GCFC2: variants seen among roughly 807,000 people sequenced by gnomAD.
GCFC2 encodes GC-rich sequence DNA-binding factor 2.
A neutral mutation model predicts 99.4 loss-of-function variants in GCFC2; 102 were observed. The ratio of observed to expected loss-of-function variants is 1.03; its 90% CI spans 0.87 to 1.21. The LOEUF (loss-of-function observed/expected upper bound fraction) is 1.21. Ranked by LOEUF, GCFC2 falls within the 50% of genes most tolerant of loss-of-function variation. The pLI is 0.00. For synonymous variants in GCFC2, 338 were observed against 316.8 expected (o/e 1.07, Z -0.71); for missense variants, 973 against 920.9 (o/e 1.06, Z -0.73).
In GCFC2 at chr2:75,702,217, T is replaced by C. The variant is rs772232537; in HGVS notation, c.601A>G (p.Arg201Gly). 49 of 1,606,888 alleles carry C rather than the reference T, an allele frequency of 3.0e-5. No individual in the cohort carries two copies. Among genetic ancestry groups the C allele is most frequent in the Non-Finnish European group, 4.2e-5 (49 of 1,173,492 alleles). ...FTLRPQTLRQ[R>G]MAEESISRNE... ...TCCATACTTGATTCCTCAGCCATCCTTTGTCTAAGTGTTTGAGGTCTTAGA... is the reference window on the plus strand; with the variant it reads ...TCCATACTTGATTCCTCAGCCATCCCTTGTCTAAGTGTTTGAGGTCTTAGA... The change falls in exon 3 of 17, where the codon AGG (arginine) becomes GGG (glycine). Residue 201 changes from arginine to glycine, a missense_variant. By Grantham distance (125) the Arg-to-Gly change is moderately radical. Coordinates refer to ENST00000321027, the MANE Select transcript of GCFC2 (RefSeq NM_003203.5).
At chr2:75,696,341 CAAAACCA>C in intron 4 of GCFC2, 26 bp from the exon 5 acceptor site, 3 of 961,672 alleles carry the variant, frequency 3.1e-6, no homozygotes, top group Non-Finnish European at 5.1e-6. Context: ...TAGATTTTTA[CAAAACCA>C]TTTATTTCAT....
chr2:75,688,171 C>CATAAGA (rs1248747245), intron 10 of GCFC2, among the ~76,000 whole-genome samples, 194 bp from the exon 11 acceptor site: 1 of 152,200 alleles, frequency 6.6e-6, no homozygotes, highest in Non-Finnish European at 1.5e-5. Flanking sequence ...GTCTAAGTAA[C>CATAAGA]ATAAGAAGAA....
In GCFC2 at chr2:75,676,718, G is replaced by A. The variant is rs183124591; in HGVS notation, c.1813-3198C>T. ...GATTATAATCTGTCTTACTTATGCT[G>A]CTTCAAAACTGTGTCTCTCTCATCT... On this transcript the variant is annotated intron_variant, in intron 12 of 16. Coordinates refer to ENST00000321027, the MANE Select transcript of GCFC2 (RefSeq NM_003203.5). 3.0e-3 allele frequency among the ~76,000 whole-genome samples: 459 copies of A among 152,248 alleles called. 3 individuals are homozygous for A. The highest frequency in any genetic ancestry group is 0.011 in the African/African-American group (447 of 41,540).
In GCFC2 at chr2:75,667,260, C is replaced by T. The variant is rs533853241; in HGVS notation, c.2104-1207G>A. On this transcript the variant is annotated intron_variant, in intron 15 of 16. Transcript: ENST00000321027. ...TAGTAACGGGTTCTTGGAAACTGAT[C>T]GTTCTGTTTGCTAATGGAAACCTGG... Among the ~76,000 whole-genome samples the T allele has an allele frequency of 1.2e-4, 18 of 152,070 alleles. No individual in the cohort carries two copies. The South Asian group carries it at 3.3e-3, about 28-fold the overall frequency.
chr2:75,680,501 C>T (rs984952516), intron 11 of GCFC2, among the ~76,000 whole-genome samples, 187 bp from the exon 12 acceptor site: 1 of 152,180 alleles, frequency 6.6e-6, no homozygotes, highest in Admixed American at 6.5e-5. Flanking sequence ...CTTTGTTAAA[C>T]TCCTCTGGCT....
chr2:75,672,819 C>A (rs1679163908), intron 13 of GCFC2, among the ~76,000 whole-genome samples: 1 of 152,094 alleles, frequency 6.6e-6, no homozygotes, highest in African/African-American at 2.4e-5. Context: ...AAAATACCTA[C>A]TAACAGTGGA....
chr2:75,667,950 T>C (rs538890187), intron 15 of GCFC2, among the ~76,000 whole-genome samples: 26 of 152,306 alleles, frequency 1.7e-4, no homozygotes, highest in African/African-American at 6.3e-4. Flanking sequence ...CTAATTGATA[T>C]ATAGTTTTAT....
chr2:75,680,711 G>A (rs1029114206), intron 11 of GCFC2, among the ~76,000 whole-genome samples: 3 of 151,852 alleles, frequency 2.0e-5, no homozygotes, highest in Non-Finnish European at 2.9e-5. Context: ...TCCCCTCTCC[G>A]TTATCTCTCT....
intron 11 of GCFC2, among the ~76,000 whole-genome samples, chr2:75,686,880 A>G (rs1679840829): frequency 6.6e-6 from 1 of 152,252 alleles, no homozygotes; most frequent in African/African-American, 2.4e-5. Flanking sequence ...TCTGAAGCAC[A>G]AGCATTAATG....
upstream of GCFC2, among the ~76,000 whole-genome samples, chr2:75,712,016 T>C (rs1172449223): frequency 6.6e-6 from 1 of 152,236 alleles, no homozygotes; most frequent in African/African-American, 2.4e-5. Context: ...CGGGATCCAC[T>C]AGGTGAAGCC....
chr2:75,710,195 T>C (rs1009514828), intron 1 of GCFC2, among the ~76,000 whole-genome samples: 2 of 152,212 alleles, frequency 1.3e-5, no homozygotes, highest in Non-Finnish European at 2.9e-5. Flanking sequence ...GAAAGATAAG[T>C]TGGTCAAGTG....
intron 13 of GCFC2, among the ~76,000 whole-genome samples, chr2:75,672,414 G>A (rs1341899386): frequency 6.6e-6 from 1 of 150,488 alleles, no homozygotes; most frequent in Admixed American, 6.6e-5. Flanking sequence ...TCTGAACCAT[G>A]TGAATGCATT....
At chr2:75,669,964 A>G (rs1433243280) in intron 15 of GCFC2, 174 bp downstream of exon 15, 3 of 446,750 alleles carry the variant, frequency 6.7e-6, no homozygotes, top group Non-Finnish European at 1.2e-5. Context: ...ACCTCACGCA[A>G]TCCGCCTGCC....
intron 12 of GCFC2, among the ~76,000 whole-genome samples, chr2:75,676,778 T>C (rs1679360774): frequency 6.6e-6 from 1 of 152,186 alleles, no homozygotes; most frequent in South Asian, 2.1e-4. Context: ...AACGCATGGG[T>C]GGGACATGCA....
intron 14 of GCFC2, 151 bp downstream of exon 14, chr2:75,671,799 A>G (rs1679099872): frequency 2.7e-6 from 1 of 372,786 alleles, no homozygotes; most frequent in East Asian, 4.1e-5. Flanking sequence ...TTTGTGCTAC[A>G]GCGGCAGAGT....
intron 14 of GCFC2, among the ~76,000 whole-genome samples, chr2:75,671,383 T>C (rs1003568139): frequency 6.6e-6 from 1 of 152,220 alleles, no homozygotes; most frequent in Non-Finnish European, 1.5e-5. Context: ...GACTTATGTA[T>C]CCAACCACCT....
intron 11 of GCFC2, 46 bp downstream of exon 11, chr2:75,687,781 C>A: frequency 6.9e-7 from 1 of 1,451,428 alleles, no homozygotes; most frequent in Non-Finnish European, 9.5e-7. Context: ...ACCTTATATA[C>A]TCTGTCAGAA....
chr2:75,679,229 T>G (rs1024586624), intron 12 of GCFC2, among the ~76,000 whole-genome samples: 2 of 152,220 alleles, frequency 1.3e-5, no homozygotes, highest in African/African-American at 4.8e-5. Context: ...CTTACAGCTA[T>G]CCTCCTTTGT....
At chr2:75,672,739 A>G (rs974835923) in intron 13 of GCFC2, among the ~76,000 whole-genome samples, 7 of 152,094 alleles carry the variant, frequency 4.6e-5, no homozygotes, top group African/African-American at 1.4e-4. Flanking sequence ...CATTCTCTTC[A>G]TCTCCCTAAT....
Sources: allele counts gnomAD v4.1 joint callset (sites outside exome capture counted in the v4.1 genomes callset), GRCh38; gene constraint gnomAD v4.1.1; transcripts MANE v1.5; gene names NCBI Gene and HGNC (gene_info 2026-07-23, HGNC 2026-07-21).